The following MCC variants were observed in gnomAD, a reference collection of about 807,000 sequenced individuals.
MCC encodes the protein MCC regulator of Wnt signaling pathway, also known as colorectal mutant cancer protein.
Under a neutral mutation model 116.2 loss-of-function variants are expected in MCC, and 90 were observed. That is an observed-to-expected ratio of 0.77 (90% CI 0.65 to 0.92). MCC has a LOEUF of 0.92. Ranked by LOEUF, MCC falls within the 40% of genes least tolerant of loss-of-function variation. The probability of loss-of-function intolerance (pLI) is 0.00; values close to 1 mark genes in which losing one functional copy is unlikely to be tolerated. For missense variants in MCC, 1,516 were observed against 1,312.2 expected (o/e 1.16, Z -2.40); for synonymous variants, 578 against 510.5 (o/e 1.13, Z -1.78).
At chr5:113,433,847 T>G in intron 1 of MCC, 1 of 1,614,056 alleles carries the variant, frequency 6.2e-7, no homozygotes. Context: ...TTTGCATTGC[T>G]GTCCCCTCGG....
At chr5:113,091,273 C>A (rs1042759274) in intron 8 of MCC, among the ~76,000 whole-genome samples, 2 of 152,198 alleles carry the variant, frequency 1.3e-5, no homozygotes, top group Non-Finnish European at 2.9e-5. Context: ...GCCAGGCCAC[C>A]CACTGCCTCA....
At chr5:113,052,090 C>T (rs1752522968) in intron 15 of MCC, among the ~76,000 whole-genome samples, 1 of 151,546 alleles carries the variant, frequency 6.6e-6, no homozygotes, top group Admixed American at 6.6e-5. Context: ...AAGATCAGTA[C>T]ACATTTTATT....
intron 3 of MCC, among the ~76,000 whole-genome samples, chr5:113,175,517 C>T (rs937470725): frequency 2.0e-5 from 3 of 152,282 alleles, no homozygotes; most frequent in African/African-American, 4.8e-5. Flanking sequence ...AATTTGATCA[C>T]TGTAGTTAGT....
intron 3 of MCC, among the ~76,000 whole-genome samples, chr5:113,249,855 C>T (rs533999197): frequency 1.3e-5 from 2 of 152,310 alleles, no homozygotes; most frequent in South Asian, 4.1e-4. Context: ...CCCTCTACCC[C>T]CACGCCTTTG....
chr5:113,268,408 T>G (rs540326612), intron 3 of MCC, among the ~76,000 whole-genome samples: 1 of 152,310 alleles, frequency 6.6e-6, no homozygotes, highest in South Asian at 2.1e-4. Context: ...GCCCTTAGGA[T>G]GTACCACTGT....
intron 14 of MCC, among the ~76,000 whole-genome samples, chr5:113,062,909 A>G (rs1375271122): frequency 2.2e-4 from 33 of 152,260 alleles, no homozygotes; most frequent in Non-Finnish European, 1.2e-4. Flanking sequence ...AGAAAGCATC[A>G]GTATTTCTCC....
At chr5:113,290,954 TC>T (rs1766471872) in intron 3 of MCC, among the ~76,000 whole-genome samples, 1 of 152,222 alleles carries the variant, frequency 6.6e-6, no homozygotes, top group Admixed American at 6.5e-5. Flanking sequence ...GTCTACATTT[TC>T]CTTTTGTATT....
At chr5:113,438,725 C>T (rs1276624817) in intron 1 of MCC, among the ~76,000 whole-genome samples, 3 of 152,192 alleles carry the variant, frequency 2.0e-5, no homozygotes, top group African/African-American at 7.2e-5. Context: ...AAATACTTTT[C>T]TTAACACTAC....
intron 3 of MCC, among the ~76,000 whole-genome samples, chr5:113,251,843 G>A (rs61692685): frequency 0.029 from 4,446 of 152,160 alleles, 166 homozygotes; most frequent in African/African-American, 0.087. Context: ...ATTCAACGAC[G>A]CCTACAAAAA....
At chr5:113,293,443 A>C (rs1254536370) in intron 3 of MCC, among the ~76,000 whole-genome samples, 1 of 152,198 alleles carries the variant, frequency 6.6e-6, no homozygotes, top group Non-Finnish European at 1.5e-5. Context: ...ACCAAGAGGG[A>C]AACCCACAGA....
chr5:113,325,659 A>G (rs1767534408), intron 3 of MCC, among the ~76,000 whole-genome samples: 1 of 151,990 alleles, frequency 6.6e-6, no homozygotes, highest in Non-Finnish European at 1.5e-5. Flanking sequence ...CTAAATGGAA[A>G]GTATTGTAGC....
intron 3 of MCC, among the ~76,000 whole-genome samples, chr5:113,272,967 G>A (rs914085532): frequency 6.6e-6 from 1 of 152,184 alleles, no homozygotes; most frequent in Non-Finnish European, 1.5e-5. Flanking sequence ...TCTTGGGGCT[G>A]CCAGCAACCA....
chr5:113,484,242 TG>T (rs1020493035), intron 1 of MCC, among the ~76,000 whole-genome samples: 65 of 152,216 alleles, frequency 4.3e-4, no homozygotes, highest in African/African-American at 1.2e-3. Flanking sequence ...AGTTTACCTA[TG>T]GAAAAAATCT....
At chr5:113,256,368 C>A (rs953756361) in intron 3 of MCC, among the ~76,000 whole-genome samples, 1 of 152,148 alleles carries the variant, frequency 6.6e-6, no homozygotes, top group South Asian at 2.1e-4. Context: ...AAAGAAAATA[C>A]CTGCCCTCAA....
intron 1 of MCC, among the ~76,000 whole-genome samples, chr5:113,391,385 C>A (rs1405110693): frequency 6.6e-6 from 1 of 152,080 alleles, no homozygotes; most frequent in Non-Finnish European, 1.5e-5. Flanking sequence ...GCTGTACTTC[C>A]TTTTCCTAGC....
At chr5:113,191,307 T>C (rs923212860) in intron 3 of MCC, among the ~76,000 whole-genome samples, 2 of 152,224 alleles carry the variant, frequency 1.3e-5, no homozygotes, top group African/African-American at 4.8e-5. Flanking sequence ...GCTTTCCTTC[T>C]GTCATTCTCT....
chr5:113,156,778 T>C (rs1581172009), intron 3 of MCC, among the ~76,000 whole-genome samples: 1 of 152,212 alleles, frequency 6.6e-6, no homozygotes, highest in Admixed American at 6.5e-5. Context: ...CTGCTTCACA[T>C]TCATTTTACA....
At chr5:113,288,487 T>C (rs1766348843) in intron 3 of MCC, among the ~76,000 whole-genome samples, 1 of 152,192 alleles carries the variant, frequency 6.6e-6, no homozygotes, top group African/African-American at 2.4e-5. Context: ...ATCACAACTA[T>C]TCCTTATCGA....
intron 1 of MCC, among the ~76,000 whole-genome samples, chr5:113,480,021 C>T (rs1048415123): frequency 1.3e-5 from 2 of 152,162 alleles, no homozygotes; most frequent in Non-Finnish European, 2.9e-5. Flanking sequence ...TCTTTCTGTT[C>T]CATTTACCTT....
Sources: allele counts gnomAD v4.1 joint callset (sites outside exome capture counted in the v4.1 genomes callset), GRCh38; gene constraint gnomAD v4.1.1; transcripts MANE v1.5; gene names NCBI Gene and HGNC (gene_info 2026-07-23, HGNC 2026-07-21).